Variants in ATP8A1 observed in about 807,000 individuals in gnomAD.
ATP8A1 encodes the protein ATPase phospholipid transporting 8A1.
A neutral mutation model predicts 177.7 loss-of-function variants in ATP8A1; 90 were observed. That is an observed-to-expected ratio of 0.51 (90% CI 0.43 to 0.60). ATP8A1 has a LOEUF of 0.60. Among genes scored for constraint, ATP8A1 ranks in the 20% least tolerant of loss-of-function variants. ATP8A1 has a pLI of 0.00. For missense variants in ATP8A1, 1,072 were observed against 1,392.8 expected (o/e 0.77, Z 3.67); for synonymous variants, 493 against 485.9 (o/e 1.01, Z -0.19).
At chr4:42,456,220 G>T (rs1283394810) in intron 27 of ATP8A1, among the ~76,000 whole-genome samples, 2 of 152,042 alleles carry the variant, frequency 1.3e-5, no homozygotes. Flanking sequence ...TCTACAATGT[G>T]GATGTAACTA....
chr4:42,593,154 T>A (rs962469647), intron 6 of ATP8A1, among the ~76,000 whole-genome samples: 2 of 152,012 alleles, frequency 1.3e-5, no homozygotes, highest in African/African-American at 4.8e-5. Context: ...AATCCTGGCT[T>A]TTCACTCCCT....
At chr4:42,463,161 A>G (rs1313652647) in intron 27 of ATP8A1, among the ~76,000 whole-genome samples, 6 of 152,128 alleles carry the variant, frequency 3.9e-5, no homozygotes, top group Non-Finnish European at 1.5e-5. Context: ...GTTGGGAAGG[A>G]ATGATTGGTT....
chr4:42,634,278 C>T (rs932373194), intron 1 of ATP8A1, among the ~76,000 whole-genome samples: 31 of 152,114 alleles, frequency 2.0e-4, no homozygotes, highest in African/African-American at 7.2e-4. Context: ...CGCAAAAGCC[C>T]AAGACATGAA....
intron 9 of ATP8A1, among the ~76,000 whole-genome samples, chr4:42,584,209 T>A (rs900584485): frequency 6.6e-6 from 1 of 152,094 alleles, no homozygotes; most frequent in African/African-American, 2.4e-5. Flanking sequence ...AGTTGGCCAC[T>A]ACAATGCCTG....
At chr4:42,537,114 A>T (rs1204338852) in intron 20 of ATP8A1, among the ~76,000 whole-genome samples, 1 of 151,238 alleles carries the variant, frequency 6.6e-6, no homozygotes, top group Non-Finnish European at 1.5e-5. Flanking sequence ...CCTGGGCAAA[A>T]AGAGCGAAAC....
chr4:42,621,818 C>T (rs766129793), intron 4 of ATP8A1, among the ~76,000 whole-genome samples: 1 of 152,094 alleles, frequency 6.6e-6, no homozygotes, highest in Non-Finnish European at 1.5e-5. Flanking sequence ...AATTATGCTA[C>T]CCAACTTCAA....
chr4:42,465,076 C>T lies in ATP8A1; in HGVS notation c.2325G>A (p.Arg775=). 2 of 1,608,268 alleles carry T rather than the reference C, an allele frequency of 1.2e-6. No homozygotes were observed. The highest frequency in any genetic ancestry group is 1.3e-5 in the African/African-American group (1 of 74,812). Residue 775 remains arginine, a splice_region_variant and synonymous_variant, in exon 26 of 37, where the codon CGG becomes CGA. Transcript: ENST00000381668. The stretch of plus-strand genomic sequence containing the variant: ...CTTCAGATTTTTGAAGAGGAGAAAC[C>T]CTGAAATTGAAACACATTATCAATT... ...ALSCKAVICC[R]VSPLQKSEVV...
chr4:42,450,110 CT>C (rs1280232631), intron 30 of ATP8A1, among the ~76,000 whole-genome samples: 3 of 152,164 alleles, frequency 2.0e-5, no homozygotes, highest in African/African-American at 7.2e-5. Context: ...TGGAAACAAT[CT>C]GAAGGTCCAT....
intron 22 of ATP8A1, among the ~76,000 whole-genome samples, chr4:42,520,719 C>A (rs1265648778): frequency 6.6e-6 from 1 of 151,784 alleles, no homozygotes; most frequent in Non-Finnish European, 1.5e-5. Context: ...CATAAGTAAG[C>A]AGAATAAAAA....
intron 1 of ATP8A1, among the ~76,000 whole-genome samples, chr4:42,632,088 C>T (rs1738797378): frequency 6.6e-6 from 1 of 152,134 alleles, no homozygotes; most frequent in Admixed American, 6.5e-5. Flanking sequence ...AGCAAATTGG[C>T]AGGCAAATTC....
At chr4:42,594,058 T>G (rs943931456) in intron 6 of ATP8A1, among the ~76,000 whole-genome samples, 1 of 151,914 alleles carries the variant, frequency 6.6e-6, no homozygotes. Flanking sequence ...AGAGGGAGAG[T>G]AGACTCTTAA....
At chr4:42,572,490 C>T (rs1319231859) in intron 14 of ATP8A1, among the ~76,000 whole-genome samples, 1 of 152,148 alleles carries the variant, frequency 6.6e-6, no homozygotes, top group Non-Finnish European at 1.5e-5. Context: ...TTTCAGACAT[C>T]AACAACTCTC....
chr4:42,445,015 T>A (rs1303942308), intron 31 of ATP8A1, among the ~76,000 whole-genome samples: 3 of 152,228 alleles, frequency 2.0e-5, no homozygotes, highest in Non-Finnish European at 2.9e-5. Flanking sequence ...TCTCCTTTCA[T>A]ATTAAAAGTC....
At chr4:42,443,544 T>G in intron 33 of ATP8A1, 21 bp downstream of exon 33, 1 of 932,588 alleles carries the variant, frequency 1.1e-6, no homozygotes, top group Non-Finnish European at 1.8e-6. Flanking sequence ...TGTTGGATTG[T>G]GAGTTATTAG....
chr4:42,527,827 A>G (rs972294529), intron 20 of ATP8A1, among the ~76,000 whole-genome samples: 1 of 152,180 alleles, frequency 6.6e-6, no homozygotes, highest in Non-Finnish European at 1.5e-5. Context: ...AACTTGAGCC[A>G]GTTTATAGAC....
chr4:42,543,995 AAG>A lies in ATP8A1; in HGVS notation c.1653-11_1653-10del. The A allele has an allele frequency of 6.2e-7, 1 of 1,612,386 alleles. No individual in the cohort carries two copies. The highest frequency in any genetic ancestry group is 8.5e-7 in the Non-Finnish European group (1 of 1,178,960). On this transcript the variant is annotated splice_polypyrimidine_tract_variant and intron_variant, in intron 19 of 36. Coordinates refer to ENST00000381668, the MANE Select transcript of ATP8A1 (RefSeq NM_006095.2). ...ACATTCTTTTCCTAGCACTGAAAGAAAGAGGTTTTGCATAATGTGTCATCATA... is the reference window on the plus strand; with the variant it reads ...ACATTCTTTTCCTAGCACTGAAAGAAAGGTTTTGCATAATGTGTCATCATA...
At chr4:42,528,501 C>G (rs1726937954) in intron 20 of ATP8A1, among the ~76,000 whole-genome samples, 1 of 151,930 alleles carries the variant, frequency 6.6e-6, no homozygotes, top group African/African-American at 2.4e-5. Context: ...GAAGTTTAAC[C>G]AAGTGGTGAC....
chr4:42,414,163 T>G (rs750027426), intron 36 of ATP8A1, among the ~76,000 whole-genome samples: 3 of 152,256 alleles, frequency 2.0e-5, no homozygotes, highest in Non-Finnish European at 4.4e-5. Context: ...TTTTATATTC[T>G]TTTTTAGATC....
intron 1 of ATP8A1, among the ~76,000 whole-genome samples, chr4:42,648,389 A>C (rs2109574151): frequency 6.6e-6 from 1 of 152,170 alleles, no homozygotes; most frequent in South Asian, 2.1e-4. Flanking sequence ...AGGGAAAGAG[A>C]GACTGACTCC....
Sources: gnomAD v4.1 joint callset for allele counts (sites outside exome capture counted in the v4.1 genomes callset) on GRCh38, gnomAD v4.1.1 for gene constraint, MANE v1.5 for transcripts, NCBI Gene and HGNC (gene_info 2026-07-23, HGNC 2026-07-21) for gene names.